NAALADL2: variants seen among roughly 807,000 people sequenced by gnomAD.
NAALADL2 encodes inactive N-acetylated-alpha-linked acidic dipeptidase-like protein 2.
A neutral mutation model predicts 87.2 loss-of-function variants in NAALADL2; 76 were observed. That is an observed-to-expected ratio of 0.87 (90% CI 0.72 to 1.05). The LOEUF (loss-of-function observed/expected upper bound fraction) is 1.05, where lower values mean the gene tolerates loss of function less well. NAALADL2 is among the 50% of genes least tolerant of loss of function. NAALADL2 has a pLI of 0.00. For synonymous variants in NAALADL2, 354 were observed against 331.0 expected (o/e 1.07, Z -0.75); for missense variants, 1,089 against 945.8 (o/e 1.15, Z -1.99).
chr3:174,477,577 C>T (rs1001828766), intron 1 of NAALADL2, among the ~76,000 whole-genome samples: 1 of 152,094 alleles, frequency 6.6e-6, no homozygotes, highest in Non-Finnish European at 1.5e-5. Flanking sequence ...GGTTAATTGG[C>T]GTTCTACAGA....
chr3:175,785,772 G>A (rs1050240816), intron 13 of NAALADL2, among the ~76,000 whole-genome samples: 40 of 148,720 alleles, frequency 2.7e-4, no homozygotes, highest in Admixed American at 3.3e-4. Context: ...GATTTTGCTC[G>A]TTAGTTGATG....
intron 10 of NAALADL2, among the ~76,000 whole-genome samples, chr3:175,609,977 T>A (rs1441159376): frequency 6.6e-6 from 1 of 152,142 alleles, no homozygotes; most frequent in Non-Finnish European, 1.5e-5. Context: ...TTATGCTAGT[T>A]CTTTTCAATG....
intron 1 of NAALADL2, among the ~76,000 whole-genome samples, chr3:174,909,901 G>A (rs576484425): frequency 1.2e-4 from 19 of 152,026 alleles, no homozygotes; most frequent in Non-Finnish European, 2.6e-4. Context: ...GTAACATTTG[G>A]TTAATATATT....
In NAALADL2 at chr3:175,230,255, A is replaced by T. The variant is rs140190844; in HGVS notation, c.546-3676A>T. On this transcript the variant is annotated intron_variant, in intron 2 of 13. Coordinates refer to ENST00000454872, the MANE Select transcript of NAALADL2 (RefSeq NM_207015.3). ...ATGAGAATAACTTCATGACCACAGCATTGAGGATTTCTTAAGCACATCAGA... is the reference window on the plus strand; with the variant it reads ...ATGAGAATAACTTCATGACCACAGCTTTGAGGATTTCTTAAGCACATCAGA... Among the ~76,000 whole-genome samples, 170 of 152,204 alleles carry T rather than the reference A, an allele frequency of 1.1e-3. 1 individual carries two copies. Among genetic ancestry groups the T allele is most frequent in the African/African-American group, 4.0e-3 (168 of 41,588 alleles).
chr3:175,503,011 G>T (rs1390273725), intron 9 of NAALADL2, among the ~76,000 whole-genome samples: 1 of 151,336 alleles, frequency 6.6e-6, no homozygotes, highest in Non-Finnish European at 1.5e-5. Context: ...GGGGTTTGGT[G>T]TAGATTATGT....
At chr3:175,781,655 C>CAAA (rs777223385) in intron 13 of NAALADL2, among the ~76,000 whole-genome samples, 311 of 97,600 alleles carry the variant, frequency 3.2e-3, no homozygotes, top group African/African-American at 9.5e-3. Flanking sequence ...TCATTTTTAG[C>CAAA]AAAAAAAAAA....
At chr3:175,069,543 A>G (rs1170061567) in intron 1 of NAALADL2, among the ~76,000 whole-genome samples, 2 of 150,202 alleles carry the variant, frequency 1.3e-5, no homozygotes, top group Non-Finnish European at 3.0e-5. Flanking sequence ...GAGAAATAGG[A>G]ACACTTTTAC....
intron 9 of NAALADL2, among the ~76,000 whole-genome samples, chr3:175,549,841 C>A (rs1341384162): frequency 6.6e-6 from 1 of 151,886 alleles, no homozygotes; most frequent in African/African-American, 2.4e-5. Flanking sequence ...CTGACTGGGG[C>A]CTGTTAATTG....
intron 2 of NAALADL2, among the ~76,000 whole-genome samples, chr3:175,107,843 T>C (rs1036187843): frequency 7.2e-5 from 11 of 151,998 alleles, no homozygotes; most frequent in Admixed American, 5.3e-4. Flanking sequence ...TCAAATATAT[T>C]ACTAAAAATG....
intron 2 of NAALADL2, among the ~76,000 whole-genome samples, chr3:175,104,219 G>A (rs775779406): frequency 2.7e-4 from 41 of 152,014 alleles, no homozygotes; most frequent in Non-Finnish European, 5.3e-4. Flanking sequence ...GACAGCTGAC[G>A]ACTTATACAT....
At chr3:174,668,241 G>T (rs1345705928) in intron 2 of NAALADL2, among the ~76,000 whole-genome samples, 1 of 152,052 alleles carries the variant, frequency 6.6e-6, no homozygotes, top group Non-Finnish European at 1.5e-5. Flanking sequence ...GGAGTTCATT[G>T]TATATTCTGG....
At chr3:175,485,938 G>T (rs1298535388) in intron 9 of NAALADL2, among the ~76,000 whole-genome samples, 1 of 152,178 alleles carries the variant, frequency 6.6e-6, no homozygotes, top group African/African-American at 2.4e-5. Flanking sequence ...ATACAATGAA[G>T]TGACAGCTAT....
At chr3:175,114,248 T>C (rs1724721888) in intron 2 of NAALADL2, among the ~76,000 whole-genome samples, 1 of 151,614 alleles carries the variant, frequency 6.6e-6, no homozygotes, top group African/African-American at 2.4e-5. Flanking sequence ...GAATTCTCAT[T>C]GGAGGACTAT....
intron 9 of NAALADL2, among the ~76,000 whole-genome samples, chr3:175,564,732 G>A (rs1024834170): frequency 6.6e-6 from 1 of 152,166 alleles, no homozygotes; most frequent in Non-Finnish European, 1.5e-5. Context: ...GTACCCAGAG[G>A]GAGTGTGCTT....
At chr3:175,405,956 G>A (rs894202929) in intron 5 of NAALADL2, among the ~76,000 whole-genome samples, 2 of 152,050 alleles carry the variant, frequency 1.3e-5, no homozygotes, top group Admixed American at 1.3e-4. Context: ...ATGGAGCACC[G>A]GCTAAGGTCC....
intron 1 of NAALADL2, among the ~76,000 whole-genome samples, chr3:174,450,541 CAGAT>C (rs1715407839): frequency 6.6e-6 from 1 of 151,956 alleles, no homozygotes; most frequent in African/African-American, 2.4e-5. Flanking sequence ...GAAAGGAACT[CAGAT>C]AGAACAAATG....
chr3:174,799,395 T>A (rs1718533877), intron 3 of NAALADL2, among the ~76,000 whole-genome samples: 1 of 152,042 alleles, frequency 6.6e-6, no homozygotes. Context: ...AAGGTCTTTC[T>A]CGTGCTGTTC....
At chr3:175,109,895 C>T (rs1163713418) in intron 2 of NAALADL2, among the ~76,000 whole-genome samples, 2 of 151,816 alleles carry the variant, frequency 1.3e-5, no homozygotes, top group African/African-American at 2.4e-5. Context: ...TATGGTGCTA[C>T]GTTCTCCCCT....
intron 1 of NAALADL2, among the ~76,000 whole-genome samples, chr3:174,962,412 CAT>C (rs59026426): frequency 0.042 from 3,717 of 88,604 alleles, 258 homozygotes; most frequent in African/African-American, 0.12. Context: ...GTGACTATGA[CAT>C]ATATATATAT....
Sources: allele counts gnomAD v4.1 joint callset (sites outside exome capture counted in the v4.1 genomes callset), GRCh38; gene constraint gnomAD v4.1.1; transcripts MANE v1.5; gene names NCBI Gene and HGNC (gene_info 2026-07-23, HGNC 2026-07-21).